The following SLCO1A2 variants were observed in gnomAD, a reference collection of about 807,000 sequenced individuals.
SLCO1A2 encodes the protein solute carrier organic anion transporter family member 1A2.
SLCO1A2 carries 67 observed loss-of-function variants against 69.0 expected under a neutral mutation model. The observed-to-expected ratio is 0.97, with a 90% CI of 0.80 to 1.19. SLCO1A2 has a LOEUF of 1.19. Among genes scored for constraint, SLCO1A2 ranks in the 50% most tolerant of loss-of-function variants. SLCO1A2 has a pLI of 0.00. For missense variants in SLCO1A2, 787 were observed against 793.7 expected, an observed-to-expected ratio of 0.99 and a Z score of 0.10; for synonymous variants, 260 against 265.9, an observed-to-expected ratio of 0.98 and a Z score of 0.22.
At chr12:21,287,911 A>T (rs1197562075) in intron 12 of SLCO1A2, among the ~76,000 whole-genome samples, 1 of 128,862 alleles carries the variant, frequency 7.8e-6, no homozygotes, top group South Asian at 3.0e-4. Flanking sequence ...ACCTAATGCT[A>T]GATGACGAGT....
upstream of SLCO1A2, chr12:21,419,323 AG>A: frequency 1.3e-5 from 2 of 156,732 alleles, no homozygotes; most frequent in Non-Finnish European, 2.8e-5. Flanking sequence ...TCATCTCACT[AG>A]GGAGTGTCAG....
At chr12:21,300,629 G>C (rs1438122540) in intron 7 of SLCO1A2, 60 bp from the exon 8 acceptor site, 37 of 1,280,510 alleles carry the variant, frequency 2.9e-5, no homozygotes, top group Non-Finnish European at 6.3e-6. Flanking sequence ...ATGAACTATA[G>C]AAAATTATTA....
At chr12:21,364,608 G>T (rs542054513) in intron 2 of SLCO1A2, among the ~76,000 whole-genome samples, 80 of 152,246 alleles carry the variant, frequency 5.3e-4, no homozygotes, top group African/African-American at 1.9e-3. Context: ...AAGTCAAATT[G>T]TCCCTGTTGC....
intron 11 of SLCO1A2, among the ~76,000 whole-genome samples, chr12:21,293,353 C>G (rs1273304371): frequency 6.6e-6 from 1 of 152,012 alleles, no homozygotes; most frequent in Non-Finnish European, 1.5e-5. Flanking sequence ...GAATTGTCAA[C>G]CTTTTTTGAA....
chr12:21,325,756 C>T (rs1052210962), intron 2 of SLCO1A2, among the ~76,000 whole-genome samples: 19 of 152,110 alleles, frequency 1.2e-4, no homozygotes, highest in African/African-American at 4.6e-4. Flanking sequence ...ATAAAACGTC[C>T]AAATATTTTA....
chr12:21,410,702 A>G (rs1407167618), intron 1 of SLCO1A2, among the ~76,000 whole-genome samples: 1 of 152,204 alleles, frequency 6.6e-6, no homozygotes, highest in Non-Finnish European at 1.5e-5. Context: ...TAGTGATACC[A>G]ATTTATGCTC....
At chr12:21,347,702 A>AGGAAGAAAGAAAG (rs1555122088) in intron 2 of SLCO1A2, among the ~76,000 whole-genome samples, 2,592 of 148,102 alleles carry the variant, frequency 0.018, 51 homozygotes, top group Non-Finnish European at 0.021. Flanking sequence ...GGAAGGAAGA[A>AGGAAGAAAGAAAG]GGAAAAAAGG....
intron 1 of SLCO1A2, among the ~76,000 whole-genome samples, chr12:21,387,222 C>T (rs537841865): frequency 2.6e-4 from 39 of 152,216 alleles, no homozygotes; most frequent in Non-Finnish European, 4.7e-4. Flanking sequence ...AAAGAAAAAC[C>T]CATTTTCTGG....
At chr12:21,330,867 A>T (rs369935095) in intron 2 of SLCO1A2, among the ~76,000 whole-genome samples, 2 of 152,168 alleles carry the variant, frequency 1.3e-5, no homozygotes, top group Non-Finnish European at 2.9e-5. Flanking sequence ...TAACCTTATT[A>T]CAACTTACAC....
In SLCO1A2 at chr12:21,297,398, A is replaced by G. The variant is rs1225816290; in HGVS notation, c.1075+6T>C. On this transcript the variant is annotated splice_donor_region_variant and intron_variant, in intron 9 of 14. Transcript: ENST00000683939. ...GTGCTAGTAAGGCAGAGAAAAACAA[A>G]CATACCCATTAGAAAGATTGCATCT... is the stretch of plus-strand genomic sequence containing the variant. 1 of 1,607,676 alleles carries G rather than the reference A, an allele frequency of 6.2e-7. No individual in the cohort carries two copies. The highest frequency in any genetic ancestry group is 1.7e-5 in the Admixed American group (1 of 59,738).
At chr12:21,285,949 A>G (rs1408036817) in intron 12 of SLCO1A2, among the ~76,000 whole-genome samples, 1 of 152,144 alleles carries the variant, frequency 6.6e-6, no homozygotes, top group Non-Finnish European at 1.5e-5. Context: ...AAACTGGCAC[A>G]AGACAGGGAT....
intron 12 of SLCO1A2, among the ~76,000 whole-genome samples, chr12:21,288,820 TA>T (rs1433357762): frequency 6.6e-6 from 1 of 151,612 alleles, no homozygotes; most frequent in Non-Finnish European, 1.5e-5. Flanking sequence ...AATTTAAAAT[TA>T]AAAAAACTAT....
intron 7 of SLCO1A2, 34 bp from the exon 8 acceptor site, chr12:21,300,603 A>C (rs1158519460): frequency 6.8e-7 from 1 of 1,479,774 alleles, no homozygotes; most frequent in Non-Finnish European, 9.2e-7. Flanking sequence ...TATTAGCTTA[A>C]GTCAGTATTT....
chr12:21,359,043 G>T (rs1938603883), intron 2 of SLCO1A2, among the ~76,000 whole-genome samples: 5 of 152,136 alleles, frequency 3.3e-5, no homozygotes, highest in Admixed American at 3.3e-4. Flanking sequence ...ATGTTAACAG[G>T]AAGCAAGCTG....
chr12:21,340,077 G>GA (rs1022310825), intron 2 of SLCO1A2, among the ~76,000 whole-genome samples: 15 of 151,946 alleles, frequency 9.9e-5, no homozygotes, highest in African/African-American at 3.4e-4. Context: ...TTCTCAGTAA[G>GA]AAAAAAATTC....
chr12:21,307,819 C>T (rs1949613434), intron 4 of SLCO1A2, among the ~76,000 whole-genome samples: 1 of 152,092 alleles, frequency 6.6e-6, no homozygotes, highest in Admixed American at 6.6e-5. Context: ...GAGTGTTATG[C>T]TTGGATGCCA....
At chr12:21,406,524 TTC>T (rs1941826481) in intron 1 of SLCO1A2, among the ~76,000 whole-genome samples, 1 of 152,216 alleles carries the variant, frequency 6.6e-6, no homozygotes, top group Non-Finnish European at 1.5e-5. Context: ...TTGTTTTCTA[TTC>T]TCTGGTAAAA....
chr12:21,327,174 T>C (rs189529625), intron 2 of SLCO1A2, among the ~76,000 whole-genome samples: 1 of 152,236 alleles, frequency 6.6e-6, no homozygotes, highest in Admixed American at 6.5e-5. Context: ...CAAGCTTTGG[T>C]TGGGCCTGCA....
chr12:21,270,731 T>G (rs939726822), intron 14 of SLCO1A2, among the ~76,000 whole-genome samples: 2 of 151,134 alleles, frequency 1.3e-5, no homozygotes. Flanking sequence ...ATTAATTGTC[T>G]AGAAAAATAT....
Sources: allele counts gnomAD v4.1 joint callset (sites outside exome capture counted in the v4.1 genomes callset), GRCh38; gene constraint gnomAD v4.1.1; transcripts MANE v1.5; gene names NCBI Gene and HGNC (gene_info 2026-07-23, HGNC 2026-07-21).